XRCC4: variants seen among roughly 807,000 people sequenced by gnomAD.
The protein encoded by XRCC4 is X-ray repair cross complementing 4, also known as DNA repair protein XRCC4.
A neutral mutation model predicts 39.1 loss-of-function variants in XRCC4; 28 were observed. That is an observed-to-expected ratio of 0.72 (90% CI 0.53 to 0.98). XRCC4 has a LOEUF of 0.98. Ranked by LOEUF, XRCC4 falls within the 50% of genes least tolerant of loss-of-function variation. The probability of loss-of-function intolerance (pLI) is 0.00; values close to 1 mark genes in which losing one functional copy is unlikely to be tolerated. For synonymous variants in XRCC4, 123 were observed against 126.4 expected (o/e 0.97, Z 0.18); for missense variants, 350 against 376.4 (o/e 0.93, Z 0.58).
intron 6 of XRCC4, among the ~76,000 whole-genome samples, chr5:83,252,914 A>C (rs984950688): frequency 1.3e-5 from 2 of 152,238 alleles, no homozygotes; most frequent in African/African-American, 4.8e-5. Flanking sequence ...AGCACAAGGC[A>C]TGGGTTCCAG....
intron 6 of XRCC4, among the ~76,000 whole-genome samples, chr5:83,249,330 C>T (rs1017913069): frequency 2.0e-5 from 3 of 151,990 alleles, no homozygotes; most frequent in Admixed American, 1.3e-4. Context: ...GTTGCCTAAT[C>T]CCATTCGGTT....
In XRCC4 at chr5:83,318,186, G is replaced by A. The variant is rs2112119450; in HGVS notation, c.894-34945G>A. On this transcript the variant is annotated intron_variant, in intron 7 of 7. Transcript: ENST00000396027. ...ATGCTAAAAACTCTCAATGAATTAG[G>A]TGTTGATGGGACGTATTTCAAAATA... Among the ~76,000 whole-genome samples the A allele has an allele frequency of 1.4e-5, 2 of 143,214 alleles. 1 individual carries two copies. The highest frequency in any genetic ancestry group is 4.2e-4 in the South Asian group (2 of 4,736). 94.0% of individuals were successfully genotyped at this position (143,214 alleles called of 152,430 possible). A position where few individuals can be genotyped will look rare whatever the true frequency, so the allele number is the denominator to read the frequency against.
At chr5:83,200,469 G>A (rs958335848) in intron 4 of XRCC4, among the ~76,000 whole-genome samples, 6 of 152,128 alleles carry the variant, frequency 3.9e-5, no homozygotes, top group Admixed American at 2.0e-4. Flanking sequence ...ACATAGATCT[G>A]ATACTGGTTA....
chr5:83,149,876 G>A (rs1748625534), intron 3 of XRCC4, among the ~76,000 whole-genome samples: 1 of 152,052 alleles, frequency 6.6e-6, no homozygotes, highest in Non-Finnish European at 1.5e-5. Context: ...AGAGATTACT[G>A]AGGTTTGGCT....
chr5:83,241,398 A>C (rs937961238), intron 6 of XRCC4, among the ~76,000 whole-genome samples: 1 of 152,140 alleles, frequency 6.6e-6, no homozygotes, highest in Non-Finnish European at 1.5e-5. Context: ...TTTTACACAA[A>C]TCTATCTTTT....
At chr5:83,359,400 T>C in the XRCC4 span, among the ~76,000 whole-genome samples, 2 of 152,124 alleles carry the variant, frequency 1.3e-5, no homozygotes, top group African/African-American at 2.4e-5. Flanking sequence ...TCTGGCTAAC[T>C]TGAGTTCTTG....
intron 3 of XRCC4, among the ~76,000 whole-genome samples, chr5:83,114,755 A>C (rs1352120001): frequency 6.6e-6 from 1 of 152,118 alleles, no homozygotes; most frequent in Non-Finnish European, 1.5e-5. Flanking sequence ...CCTGTTACCC[A>C]GTTCCGAAGT....
chr5:83,205,557 A>G (rs1751388262), intron 6 of XRCC4, among the ~76,000 whole-genome samples: 1 of 152,152 alleles, frequency 6.6e-6, no homozygotes, highest in South Asian at 2.1e-4. Context: ...CTCATTTTAT[A>G]CTTAGATGGT....
intron 7 of XRCC4, among the ~76,000 whole-genome samples, chr5:83,346,423 A>G (rs887034157): frequency 6.6e-6 from 1 of 152,178 alleles, no homozygotes; most frequent in African/African-American, 2.4e-5. Flanking sequence ...ACAGAAAACT[A>G]TCCGAACATA....
chr5:83,265,332 C>T (rs1175523428), intron 7 of XRCC4, among the ~76,000 whole-genome samples: 3 of 152,080 alleles, frequency 2.0e-5, no homozygotes, highest in African/African-American at 7.2e-5. Context: ...TCATTTTTTA[C>T]ACAACTTTAA....
At chr5:83,181,720 G>A (rs1750215818) in intron 3 of XRCC4, among the ~76,000 whole-genome samples, 1 of 152,148 alleles carries the variant, frequency 6.6e-6, no homozygotes. Flanking sequence ...TACAGGAAGA[G>A]GCTACCACAC....
chr5:83,147,303 G>A (rs1748500000), intron 3 of XRCC4, among the ~76,000 whole-genome samples: 2 of 152,052 alleles, frequency 1.3e-5, no homozygotes, highest in African/African-American at 2.4e-5. Flanking sequence ...GAATCAACCC[G>A]GGTATCCATC....
intron 3 of XRCC4, among the ~76,000 whole-genome samples, chr5:83,183,929 A>G (rs1030492941): frequency 2.0e-5 from 3 of 152,166 alleles, no homozygotes; most frequent in Non-Finnish European, 4.4e-5. Flanking sequence ...TTTTAGACCA[A>G]TAATTTGTTT....
the XRCC4 span, among the ~76,000 whole-genome samples, chr5:83,368,493 C>A: frequency 6.6e-6 from 1 of 152,290 alleles, no homozygotes; most frequent in Non-Finnish European, 1.5e-5. Flanking sequence ...TGGTGACTAA[C>A]TAACCGCTCT....
At chr5:83,142,820 C>G (rs1271852847) in intron 3 of XRCC4, among the ~76,000 whole-genome samples, 1 of 152,120 alleles carries the variant, frequency 6.6e-6, no homozygotes, top group African/African-American at 2.4e-5. Flanking sequence ...ATTAAGAGAT[C>G]TCAGCTGTGA....
At chr5:83,188,818 G>A (rs1174565541) in intron 3 of XRCC4, among the ~76,000 whole-genome samples, 1 of 152,050 alleles carries the variant, frequency 6.6e-6, no homozygotes, top group Admixed American at 6.5e-5. Context: ...ATAAGAAGAG[G>A]GCCAAGGAAT....
At position 83,142,397 on chromosome 5, in the gene XRCC4, G is replaced by T. The variant is rs547668736; in HGVS notation, c.315+31194G>T. On this transcript the variant is annotated intron_variant, in intron 3 of 7. Transcript: ENST00000396027. ...GCTAGTGAGTGGCAAAGCTGGAATT[G>T]AACACAGGTGGTGTGGCTTCAAAGC... is the stretch of plus-strand genomic sequence containing the variant. 1.4e-3 allele frequency among the ~76,000 whole-genome samples: 209 copies of T among 152,330 alleles called. 1 individual carries two copies. The highest frequency in any genetic ancestry group is 4.8e-3 in the African/African-American group (201 of 41,580).
At chr5:83,359,059 G>A in the XRCC4 span, among the ~76,000 whole-genome samples, 1 of 151,762 alleles carries the variant, frequency 6.6e-6, no homozygotes, top group African/African-American at 2.4e-5. Flanking sequence ...GTTTCCTAGT[G>A]GTCAAGGGTA....
intron 7 of XRCC4, among the ~76,000 whole-genome samples, chr5:83,336,186 C>T (rs1756589084): frequency 6.6e-6 from 1 of 151,866 alleles, no homozygotes. Flanking sequence ...CTGTAGAAGC[C>T]CAATAACATT....
Sources: gnomAD v4.1 joint callset for allele counts (sites outside exome capture counted in the v4.1 genomes callset) on GRCh38, gnomAD v4.1.1 for gene constraint, MANE v1.5 for transcripts, NCBI Gene and HGNC (gene_info 2026-07-23, HGNC 2026-07-21) for gene names.